The following FBN3 variants were observed in gnomAD, a reference collection of about 807,000 sequenced individuals.
FBN3 encodes the protein fibrillin 3.
Under a neutral mutation model 330.1 loss-of-function variants are expected in FBN3, and 234 were observed. The observed-to-expected ratio is 0.71, with a 90% CI of 0.64 to 0.79. The LOEUF (loss-of-function observed/expected upper bound fraction) is 0.79. FBN3 is among the 30% of genes least tolerant of loss of function. The pLI is 0.00. For synonymous variants in FBN3, 1,458 were observed against 1,517.3 expected (o/e 0.96, Z 0.91); for missense variants, 3,606 against 3,886.9 (o/e 0.93, Z 1.92).
rs531643335 is a variant in FBN3 at position 8,104,790 on chromosome 19, C to T, written c.4814-1103G>A. ...TCTGCCAATGTAGCAAGAAAGCAGA[C>T]ACAAACAATATGCAAACACACTGTG... is the stretch of plus-strand genomic sequence containing the variant. On this transcript the variant is annotated intron_variant, in intron 38 of 63. Coordinates refer to ENST00000600128, the MANE Select transcript of FBN3 (RefSeq NM_032447.5). Among the ~76,000 whole-genome samples the T allele has an allele frequency of 3.0e-4, 45 of 152,262 alleles. No homozygotes were observed. In the South Asian group the frequency reaches 8.9e-3, roughly 30 times the overall value.
rs1430245515 is a variant in FBN3 at position 8,094,543 on chromosome 19, A to G, written c.5808T>C (p.Leu1936=). 1 of 1,613,906 alleles carries G rather than the reference A, an allele frequency of 6.2e-7. No individual in the cohort carries two copies. The highest frequency in any genetic ancestry group is 2.2e-5 in the East Asian group (1 of 44,874). The change falls in exon 47 of 64, where the codon CTT becomes CTC. Residue 1936 remains leucine, a synonymous_variant. Coordinates refer to ENST00000600128, the MANE Select transcript of FBN3 (RefSeq NM_032447.5). ...AAGTGCCGGGTAGGCAGGTTCCTGC[A>G]AGGCTGAGGCACTCATTGGTGTCTG... ...NCVDTNECLS[L]AGTCLPGTCQ... is the part of the protein sequence containing the mutation.
At chr19:8,071,640 C>T (rs917822555) in intron 63 of FBN3, among the ~76,000 whole-genome samples, 5 of 152,134 alleles carry the variant, frequency 3.3e-5, no homozygotes, top group Admixed American at 3.3e-4. Context: ...CAAAAGGTCC[C>T]AAGGGAGGCC....
chr19:8,088,203 C>T (rs751938933), intron 51 of FBN3, 24 bp from the exon 52 acceptor site: 28 of 1,565,130 alleles, frequency 1.8e-5, no homozygotes, highest in Non-Finnish European at 2.4e-5. Flanking sequence ...AGGGGGTGGT[C>T]AGCACCTGCA....
At chr19:8,107,005 G>C (rs2082453615) in intron 37 of FBN3, among the ~76,000 whole-genome samples, 1 of 151,196 alleles carries the variant, frequency 6.6e-6, no homozygotes, top group African/African-American at 2.4e-5. Context: ...ATGCGGGCTA[G>C]ATGAAGGATG....
Position 8,065,636 on chromosome 19 carries a change from A to T in FBN3, c.*283T>A. 1 of 449,042 alleles carries T rather than the reference A, an allele frequency of 2.2e-6. No individual in the cohort carries two copies. The highest frequency in any genetic ancestry group is 4.0e-5 in the Admixed American group (1 of 25,228). The allele number at this position is 449,042 out of a possible 1,614,324, so 27.8% of individuals were successfully genotyped here. A position where few individuals can be genotyped will look rare whatever the true frequency, so the allele number is the denominator to read the frequency against. The stretch of plus-strand genomic sequence containing the variant: ...AGTGAAAGCCTGAGATTGGCCAGAC[A>T]CGGTGACCACAGGGCCTCTTCCTGA... On this transcript the variant is annotated 3_prime_UTR_variant, in exon 64 of 64. Coordinates refer to ENST00000600128, the MANE Select transcript of FBN3 (RefSeq NM_032447.5).
chr19:8,066,183 G>A lies in FBN3; in HGVS notation c.8166C>T (p.Arg2722=). The A allele has an allele frequency of 4.3e-6, 7 of 1,612,284 alleles. No individual in the cohort carries two copies. The highest frequency in any genetic ancestry group is 1.1e-5 in the South Asian group (1 of 91,054). ...LNLSHLGRAE[R]ILELRPALEG... ...CCAGGGCCGGCCGGAGCTCCAGGATGCGCTCGGCCCGGCCCAGGTGTGAGA... is the reference window on the plus strand; with the variant it reads ...CCAGGGCCGGCCGGAGCTCCAGGATACGCTCGGCCCGGCCCAGGTGTGAGA... The change falls in exon 64 of 64, where the codon CGC becomes CGT. Residue 2722 remains arginine (R), a synonymous_variant. Coordinates refer to ENST00000600128, the MANE Select transcript of FBN3 (RefSeq NM_032447.5).
At chr19:8,100,850 C>A (rs747856746) in intron 41 of FBN3, 51 bp downstream of exon 41, 2 of 1,480,144 alleles carry the variant, frequency 1.4e-6, no homozygotes, top group East Asian at 4.6e-5. Context: ...TGGGAGGAAG[C>A]AGACCCAGGT....
intron 6 of FBN3, 34 bp downstream of exon 6, chr19:8,144,843 C>T: frequency 6.5e-7 from 1 of 1,529,148 alleles, no homozygotes; most frequent in African/African-American, 1.4e-5. Context: ...CCATCGAGTC[C>T]CCTGTCTACC....
chr19:8,085,504 T>C lies in FBN3; in HGVS notation c.6946A>G (p.Ser2316Gly). ...QTMCRSLSSS[S>G]EAVTRAECCC... ...CACTCGGCCCTGGTGACAGCCTCAC[T>C]GCTGCTGGACAGAGACCGGCACATG... The change falls in exon 56 of 64, where the codon AGT (serine) becomes GGT (glycine). Residue 2316 changes from serine (S) to glycine (G), a missense_variant. Ser to Gly is a moderately conservative substitution (Grantham distance 56). Transcript: ENST00000600128. 1 of 1,594,866 alleles carries C rather than the reference T, an allele frequency of 6.3e-7. No individual in the cohort carries two copies. The highest frequency in any genetic ancestry group is 1.1e-5 in the South Asian group (1 of 87,986).
chr19:8,124,816 G>A (rs373689995), intron 22 of FBN3, among the ~76,000 whole-genome samples: 3 of 152,162 alleles, frequency 2.0e-5, no homozygotes, highest in Non-Finnish European at 4.4e-5. Flanking sequence ...CATTACAGGC[G>A]TGAGCCACCA....
chr19:8,088,468 T>G (rs1389256772), intron 51 of FBN3, among the ~76,000 whole-genome samples: 1 of 151,922 alleles, frequency 6.6e-6, no homozygotes, highest in Non-Finnish European at 1.5e-5. Context: ...TAACTGAAAC[T>G]GAGGCAGGAG....
Position 8,089,802 on chromosome 19 carries a change from CA to C in FBN3, c.6250+91del, listed in dbSNP as rs1330726166. On this transcript the variant is annotated intron_variant, in intron 50 of 63. Coordinates refer to ENST00000600128, the MANE Select transcript of FBN3 (RefSeq NM_032447.5). ...CAGGGTCCAGGGCCACCCAGGCTCT[CA>C]GGGGGAGCCTGAAACTCAGAGACCC... 1.0e-5 allele frequency: 16 copies of C among 1,536,516 alleles called. 1 individual carries two copies. The South Asian group carries it at 1.6e-4, about 16-fold the overall frequency.
Position 8,088,124 on chromosome 19 carries a change from G to A in FBN3, c.6432C>T (p.Val2144=), listed in dbSNP as rs752102916. ...CACAGGCACATTCGAAGCCTCCGAT[G>A]ACATTGGTGCATGTCCCTTGCCCAC... ...HPCGQGTCTN[V]IGGFECACAD... Residue 2144 remains valine (V), a synonymous_variant, in exon 52 of 64, where the codon GTC becomes GTT. Transcript: ENST00000600128. 1.9e-6 allele frequency: 3 copies of A among 1,613,844 alleles called. No individual in the cohort carries two copies. The highest frequency in any genetic ancestry group is 1.6e-4 in the Middle Eastern group (1 of 6,080).
intron 13 of FBN3, 25 bp downstream of exon 13, chr19:8,135,936 G>GGGGGGGGGGGCCCCCCCCCCC: frequency 6.0e-6 from 4 of 668,752 alleles, no homozygotes; most frequent in East Asian, 3.9e-5. Context: ...GGAAGCCCCT[G>GGGGGGGGGGGCCCCCCCCCCC]CCCACCCGCC....
chr19:8,099,435 C>T (rs1352958178), intron 41 of FBN3, among the ~76,000 whole-genome samples: 1 of 151,646 alleles, frequency 6.6e-6, no homozygotes, highest in Non-Finnish European at 1.5e-5. Flanking sequence ...CGCCCGCCAC[C>T]ACGCCCGGCT....
chr19:8,111,939 T>C, intron 31 of FBN3, 38 bp downstream of exon 31: 1 of 530,740 alleles, frequency 1.9e-6, no homozygotes, highest in Non-Finnish European at 2.9e-6. Context: ...CACCTACCTC[T>C]ACTGCTTTGC....
At chr19:8,124,175 T>C (rs1434077746) in intron 22 of FBN3, among the ~76,000 whole-genome samples, 167 bp from the exon 23 acceptor site, 2 of 152,212 alleles carry the variant, frequency 1.3e-5, no homozygotes, top group Non-Finnish European at 2.9e-5. Context: ...GGGAGGGTAC[T>C]ATGTGTACTG....
Position 8,126,745 on chromosome 19 carries a change from C to T in FBN3, c.2384G>A (p.Ser795Asn). ...GSYTCKCGPG[S>N]RLDPSGTFCL... ...GAAGGTACCAGAGGGGTCCAGCCGG[C>T]TGCCAGGGCCACATTTGCAGGTGTA... Residue 795 changes from serine to asparagine, a missense_variant, in exon 19 of 64, where the codon AGC becomes AAC. Ser to Asn is a conservative substitution (Grantham distance 46). Transcript: ENST00000600128. 6.3e-7 allele frequency: 1 copy of T among 1,589,556 alleles called. No individual in the cohort carries two copies. The highest frequency in any genetic ancestry group is 1.1e-5 in the South Asian group (1 of 87,614).
chr19:8,107,840 C>T (rs1229135984), intron 37 of FBN3, among the ~76,000 whole-genome samples: 2 of 141,622 alleles, frequency 1.4e-5, no homozygotes, highest in African/African-American at 5.3e-5. Context: ...GGATGAATGG[C>T]TGGATGGATG....
Sources: allele counts gnomAD v4.1 joint callset (sites outside exome capture counted in the v4.1 genomes callset), GRCh38; gene constraint gnomAD v4.1.1; transcripts MANE v1.5; gene names NCBI Gene and HGNC (gene_info 2026-07-23, HGNC 2026-07-21).